Variants in INTS1 observed in about 807,000 individuals in gnomAD.
INTS1 encodes the protein integrator complex subunit 1.
INTS1 carries 137 observed loss-of-function variants against 241.6 expected under a neutral mutation model. The observed-to-expected ratio is 0.57, with a 90% confidence interval of 0.49 to 0.65. The LOEUF (loss-of-function observed/expected upper bound fraction) is 0.65, where lower values mean the gene tolerates loss of function less well. INTS1 is among the 30% of genes least tolerant of loss of function. The probability of loss-of-function intolerance (pLI) is 0.00; values close to 1 mark genes in which losing one functional copy is unlikely to be tolerated. For synonymous variants in INTS1, 1,692 were observed against 1,337.8 expected (o/e 1.26, Z -5.78); for missense variants, 3,073 against 3,032.2 (o/e 1.01, Z -0.32).
intron 44 of INTS1, 29 bp from the exon 45 acceptor site, chr7:1,471,670 C>A (rs373560653): frequency 6.2e-7 from 1 of 1,608,542 alleles, no homozygotes; most frequent in African/African-American, 1.3e-5. Flanking sequence ...CAGACCAGAA[C>A]TGAAGGGCCC....
chr7:1,490,478 G>A (rs1013896449), intron 16 of INTS1, among the ~76,000 whole-genome samples: 15 of 152,174 alleles, frequency 9.9e-5, no homozygotes, highest in African/African-American at 2.4e-4. Context: ...TGTCAGCTCC[G>A]GATAAACGGG....
At chr7:1,485,753 C>G (rs936610606) in intron 22 of INTS1, among the ~76,000 whole-genome samples, 1 of 152,256 alleles carries the variant, frequency 6.6e-6, no homozygotes, top group African/African-American at 2.4e-5. Context: ...GCGCATCCTT[C>G]CTACGCAGGG....
chr7:1,501,601 T>C (rs537522393), intron 3 of INTS1, among the ~76,000 whole-genome samples: 1 of 152,132 alleles, frequency 6.6e-6, no homozygotes, highest in Admixed American at 6.5e-5. Flanking sequence ...CTACAGGAGG[T>C]AGTGCTAAAG....
At position 1,476,887 on chromosome 7, in the gene INTS1, C is replaced by T. The variant is rs202023122; in HGVS notation, c.4970G>A (p.Arg1657His). Residue 1657 changes from arginine to histidine, a missense_variant, in exon 36 of 48, where the codon CGT becomes CAT. Coordinates refer to ENST00000404767, the MANE Select transcript of INTS1 (RefSeq NM_001080453.3). Reference sequence around the variant, plus strand: ...CGTGAAGAGGGTCAGGAGGTAGGGACGGAACGAGGGCACCTGGGCCTGACC... The same window carrying T: ...CGTGAAGAGGGTCAGGAGGTAGGGATGGAACGAGGGCACCTGGGCCTGACC... ...GKGQAQVPSF[R>H]PYLLTLFTHQ... 5.1e-5 allele frequency: 83 copies of T among 1,612,268 alleles called. No homozygotes were observed. Among genetic ancestry groups the T allele is most frequent in the East Asian group, 2.5e-4 (11 of 44,864 alleles).
Position 1,481,431 on chromosome 7 carries a change from G to C in INTS1, c.3761C>G (p.Pro1254Arg). 1 of 1,612,706 alleles carries C rather than the reference G, an allele frequency of 6.2e-7. No homozygotes were observed. ...GAGGAGTTTGCTCATGCTGGACACG[G>C]GGATGCCAAACGACTGCACGAACAG... ...LLLFVQSFGI[P>R]VSSMSKLLQF... Residue 1254 changes from proline (P) to arginine (R), a missense_variant, in exon 28 of 48, where the codon CCC becomes CGC. Pro to Arg is a moderately radical substitution (Grantham distance 103). Transcript: ENST00000404767. The surrounding 1 kb of genome is among the most constrained non-coding windows in gnomAD (Gnocchi z 6.8).
intron 10 of INTS1, 62 bp downstream of exon 10, chr7:1,498,350 C>A (rs1165375828): frequency 1.3e-6 from 2 of 1,594,504 alleles, no homozygotes; most frequent in Admixed American, 3.5e-5. Context: ...ACGCCACGTG[C>A]CCCTCCAGCC....
Position 1,477,897 on chromosome 7 carries a change from T to C in INTS1, c.4670A>G (p.Glu1557Gly), listed in dbSNP as rs754193884. The part of the protein sequence containing the change: ...GLIEVRSPHL[E>G]ELLTAFFSAT... ...AGAGAAGAATGCAGTCAGCAGCTCC[T>C]CCAGGTGGGGGGACCTCACCTCGAT... Residue 1557 changes from glutamate to glycine, a missense_variant, in exon 34 of 48, where the codon GAG (glutamate) becomes GGG (glycine). Glu to Gly is a moderately conservative substitution (Grantham distance 98). Transcript: ENST00000404767. The C allele has an allele frequency of 1.1e-4, 173 of 1,612,474 alleles. No homozygotes were observed. Among genetic ancestry groups the C allele is most frequent in the Non-Finnish European group, 1.5e-4 (173 of 1,179,848 alleles).
intron 14 of INTS1, 96 bp downstream of exon 14, chr7:1,494,720 C>T: frequency 8.1e-7 from 1 of 1,235,652 alleles, no homozygotes; most frequent in East Asian, 2.5e-5. Flanking sequence ...GGAACAGCCG[C>T]CCAACTCCCA....
chr7:1,504,114 G>T, intron 1 of INTS1, 113 bp from the exon 2 acceptor site: 1 of 599,450 alleles, frequency 1.7e-6, no homozygotes, highest in Non-Finnish European at 2.8e-6. Context: ...GTGGTCCCGC[G>T]CCCGCCCGGC....
intron 32 of INTS1, 101 bp from the exon 33 acceptor site, chr7:1,478,607 C>A (rs1275912701): frequency 2.7e-6 from 4 of 1,499,542 alleles, no homozygotes; most frequent in African/African-American, 1.4e-5. Flanking sequence ...CCTGGGCCCA[C>A]GCGGGTACCC....
chr7:1,473,324 C>A (rs73267814), intron 42 of INTS1, 140 bp from the exon 43 acceptor site: 1 of 418,016 alleles, frequency 2.4e-6, no homozygotes, highest in Non-Finnish European at 4.6e-6. Flanking sequence ...GAGGGCCGGG[C>A]GGGGAAGCCA....
intron 30 of INTS1, among the ~76,000 whole-genome samples, 160 bp downstream of exon 30, chr7:1,480,157 G>A (rs998508691): frequency 2.6e-5 from 4 of 152,276 alleles, no homozygotes; most frequent in African/African-American, 9.6e-5. Context: ...CAGCGTGCCA[G>A]GGTCAGGCGG....
intron 45 of INTS1, 118 bp from the exon 46 acceptor site, chr7:1,471,342 A>G (rs1781459638): frequency 8.8e-7 from 1 of 1,132,668 alleles, no homozygotes; most frequent in Admixed American, 2.1e-5. Context: ...GCCCCTATCC[A>G]GAAGGCAGGA....
chr7:1,472,867 G>C (rs1356787814), intron 43 of INTS1, among the ~76,000 whole-genome samples: 3 of 152,158 alleles, frequency 2.0e-5, no homozygotes, highest in Non-Finnish European at 4.4e-5. Flanking sequence ...ATGTGCCGGG[G>C]GGCAGGTGTG....
chr7:1,475,866 T>TAC (rs1781690549), intron 39 of INTS1, 82 bp downstream of exon 39: 1 of 1,481,196 alleles, frequency 6.8e-7, no homozygotes, highest in Non-Finnish European at 9.0e-7. Context: ...GATGGCCATG[T>TAC]ACACTGTGGC....
intron 27 of INTS1, 84 bp downstream of exon 27, chr7:1,482,462 G>A: frequency 7.2e-7 from 1 of 1,396,564 alleles, no homozygotes; most frequent in Non-Finnish European, 9.7e-7. Context: ...CACAGCCGGA[G>A]GCTGCCCAGG....
Position 1,470,700 on chromosome 7 carries a change from G to A in INTS1, c.6458-8C>T. The A allele has an allele frequency of 1.3e-6, 2 of 1,534,326 alleles. No homozygotes were observed. The highest frequency in any genetic ancestry group is 1.8e-6 in the Non-Finnish European group (2 of 1,137,944). ...GCAGCACAGCCGCGTGCTCTGTGGG[G>A]GAAACGGGGCCCTGCACGTCACGCT... is the stretch of plus-strand genomic sequence containing the variant. On this transcript the variant is annotated splice_polypyrimidine_tract_variant and splice_region_variant and intron_variant, in intron 47 of 47. Coordinates refer to ENST00000404767, the MANE Select transcript of INTS1 (RefSeq NM_001080453.3).
At chr7:1,487,245 T>C in intron 20 of INTS1, 75 bp downstream of exon 20, 1 of 1,530,698 alleles carries the variant, frequency 6.5e-7, no homozygotes, top group Non-Finnish European at 8.8e-7. Context: ...TGCCCTCTTC[T>C]GGCCACCAAG....
chr7:1,502,065 G>A (rs1783207554), intron 3 of INTS1, among the ~76,000 whole-genome samples: 1 of 152,154 alleles, frequency 6.6e-6, no homozygotes, highest in South Asian at 2.1e-4. Flanking sequence ...CTCCCTGAGG[G>A]CAAGGCCACA....
Sources: gnomAD v4.1 joint callset for allele counts (sites outside exome capture counted in the v4.1 genomes callset) on GRCh38, gnomAD v4.1.1 for gene constraint, Gnocchi (gnomAD v3.1) non-coding constraint, MANE v1.5 for transcripts, NCBI Gene and HGNC (gene_info 2026-07-23, HGNC 2026-07-21) for gene names.